Variants in IFT56 observed in about 807,000 individuals in gnomAD.
IFT56 encodes intraflagellar transport protein 56.
At chr7:139,188,778 C>T in the IFT56 span, among the ~76,000 whole-genome samples, 1 of 152,126 alleles carries the variant, frequency 6.6e-6, no homozygotes, top group Non-Finnish European at 1.5e-5. Flanking sequence ...TAGGCTTAGT[C>T]CTTAATGTCC....
the IFT56 span, chr7:139,191,305 TAGG>T: frequency 2.0e-5 from 3 of 152,206 alleles, no homozygotes; most frequent in African/African-American, 7.2e-5. Flanking sequence ...CTCAGCATCT[TAGG>T]AACTAGATGG....
chr7:139,187,540 G>T, the IFT56 span: 1 of 1,614,044 alleles, frequency 6.2e-7, no homozygotes. Flanking sequence ...GAGAACCCAA[G>T]TAAGTAAACA....
the IFT56 span, among the ~76,000 whole-genome samples, chr7:139,185,053 C>CAAA: frequency 0.044 from 4,958 of 111,438 alleles, 379 homozygotes; most frequent in African/African-American, 0.14. Context: ...GACTCCATCT[C>CAAA]AAAAAAAAAA....
chr7:139,156,954 T>C, the IFT56 span, among the ~76,000 whole-genome samples: 2 of 152,204 alleles, frequency 1.3e-5, no homozygotes, highest in African/African-American at 4.8e-5. Flanking sequence ...TATTCTTGGC[T>C]CTTTATCTTT....
the IFT56 span, among the ~76,000 whole-genome samples, chr7:139,140,188 T>C: frequency 6.6e-6 from 1 of 152,130 alleles, no homozygotes; most frequent in Non-Finnish European, 1.5e-5. Context: ...AGAGAGTTAG[T>C]GCTACACCCC....
the IFT56 span, among the ~76,000 whole-genome samples, chr7:139,135,301 A>AAAAAAAAC: frequency 7.1e-6 from 1 of 141,598 alleles, no homozygotes; most frequent in African/African-American, 2.9e-5. Flanking sequence ...AAAAAAAACA[A>AAAAAAAAC]AACAAAACTT....
chr7:139,162,084 T>C, the IFT56 span, among the ~76,000 whole-genome samples: 1 of 152,158 alleles, frequency 6.6e-6, no homozygotes, highest in Admixed American at 6.5e-5. Context: ...TAGAAAAATA[T>C]GGTTCCAAAA....
At chr7:139,181,904 A>C in the IFT56 span, among the ~76,000 whole-genome samples, 11 of 152,248 alleles carry the variant, frequency 7.2e-5, no homozygotes, top group Admixed American at 7.2e-4. Context: ...TATGAAGTAC[A>C]TGACTGGATT....
the IFT56 span, chr7:139,189,204 T>C: frequency 3.0e-6 from 2 of 676,580 alleles, no homozygotes; most frequent in African/African-American, 3.6e-5. Flanking sequence ...AGTGAAAGAG[T>C]CTATTACCAA....
the IFT56 span, among the ~76,000 whole-genome samples, chr7:139,142,963 A>T: frequency 6.6e-6 from 1 of 152,200 alleles, no homozygotes; most frequent in African/African-American, 2.4e-5. Flanking sequence ...AATTTTGATA[A>T]TGATAAAATT....
the IFT56 span, chr7:139,173,077 G>A: frequency 5.5e-6 from 4 of 732,654 alleles, no homozygotes; most frequent in South Asian, 2.9e-5. Flanking sequence ...CCTTTTGTGG[G>A]TGGCTGGTTC....
At chr7:139,163,340 TAAAAAAAAA>T in the IFT56 span, among the ~76,000 whole-genome samples, 1 of 124,652 alleles carries the variant, frequency 8.0e-6, no homozygotes, top group Non-Finnish European at 1.7e-5. Context: ...AGACTCCATC[TAAAAAAAAA>T]AAAAAAGAAA....
the IFT56 span, among the ~76,000 whole-genome samples, chr7:139,188,506 A>G: frequency 6.6e-6 from 1 of 152,260 alleles, no homozygotes; most frequent in Non-Finnish European, 1.5e-5. Flanking sequence ...AAATGTGTTA[A>G]TTTTGTAAGA....
chr7:139,139,353 C>A, the IFT56 span, among the ~76,000 whole-genome samples: 1 of 152,090 alleles, frequency 6.6e-6, no homozygotes, highest in Non-Finnish European at 1.5e-5. Context: ...AATAAAGACA[C>A]CTGGGAAAGA....
At chr7:139,178,322 T>C in the IFT56 span, 1 of 1,582,586 alleles carries the variant, frequency 6.3e-7, no homozygotes, top group Non-Finnish European at 8.7e-7. Context: ...GAATTATCTA[T>C]AAGACTTTAT....
chr7:139,149,319 AAG>A, the IFT56 span, among the ~76,000 whole-genome samples: 1 of 151,158 alleles, frequency 6.6e-6, no homozygotes, highest in African/African-American at 2.4e-5. Context: ...AAAAAAAAAA[AAG>A]AACCCTGGCA....
At chr7:139,187,469 G>C in the IFT56 span, 2 of 1,614,150 alleles carry the variant, frequency 1.2e-6, no homozygotes. Context: ...TCCTAACCCT[G>C]AATATTGGGA....
At chr7:139,149,869 A>G in the IFT56 span, among the ~76,000 whole-genome samples, 8 of 152,158 alleles carry the variant, frequency 5.3e-5, no homozygotes, top group Non-Finnish European at 8.8e-5. Context: ...CATTTTAATA[A>G]CATAATTTTA....
chr7:139,168,303 G>T, the IFT56 span: 5 of 1,387,432 alleles, frequency 3.6e-6, no homozygotes, highest in Non-Finnish European at 4.0e-6. Context: ...TGATCTCATA[G>T]CTCCACATTC....
Sources: gnomAD v4.1 joint callset for allele counts (sites outside exome capture counted in the v4.1 genomes callset) on GRCh38, gnomAD v4.1.1 for gene constraint, MANE v1.5 for transcripts, NCBI Gene and HGNC (gene_info 2026-07-23, HGNC 2026-07-21) for gene names.